The following ANKRD27 variants were observed in gnomAD, a reference collection of about 807,000 sequenced individuals.
The protein encoded by ANKRD27 is ankyrin repeat domain-containing protein 27.
A neutral mutation model predicts 129.7 loss-of-function variants in ANKRD27; 112 were observed. That is an observed-to-expected ratio of 0.86 (90% CI 0.74 to 1.01). ANKRD27 has a LOEUF of 1.01. Ranked by LOEUF, ANKRD27 falls within the 50% of genes least tolerant of loss-of-function variation. The probability of loss-of-function intolerance (pLI) is 0.00; values close to 1 mark genes in which losing one functional copy is unlikely to be tolerated. For missense variants in ANKRD27, 1,258 were observed against 1,300.5 expected, an observed-to-expected ratio of 0.97 and a Z score of 0.50; for synonymous variants, 516 against 511.2, an observed-to-expected ratio of 1.01 and a Z score of -0.13.
intron 5 of ANKRD27, 122 bp downstream of exon 5, chr19:32,644,203 T>C: frequency 8.4e-7 from 1 of 1,192,042 alleles, no homozygotes; most frequent in Non-Finnish European, 1.2e-6. Flanking sequence ...GAGAGAAACA[T>C]TTTTAAAAGA....
At chr19:32,615,530 G>T (rs960003624) in intron 22 of ANKRD27, 128 bp downstream of exon 22, 1 of 1,482,908 alleles carries the variant, frequency 6.7e-7, no homozygotes, top group Non-Finnish European at 9.3e-7. Context: ...GCTGCAGTGG[G>T]TCATGACTGT....
At chr19:32,669,731 C>T (rs1967829856) in intron 1 of ANKRD27, among the ~76,000 whole-genome samples, 1 of 152,096 alleles carries the variant, frequency 6.6e-6, no homozygotes, top group Non-Finnish European at 1.5e-5. Context: ...GGCGTGGTGG[C>T]TCACACCTAT....
chr19:32,639,464 T>G lies in ANKRD27; in HGVS notation c.1008A>C (p.Lys336Asn), dbSNP rs374933382. 25 of 1,613,356 alleles carry G rather than the reference T, an allele frequency of 1.5e-5. No homozygotes were observed. In the African/African-American group the frequency reaches 3.3e-4, roughly 22 times the overall value. ...TTGCCAAGCTGCTAAACCTGAAGTT[T>G]TTGATGTAACTCAAATTTGCCATCC... ...PNWMANLSYI[K>N]NFRFSSLAKD... Residue 336 changes from lysine (K) to asparagine (N), a missense_variant, in exon 12 of 29, where the codon AAA becomes AAC. Transcript: ENST00000306065.
chr19:32,615,999 G>C (rs1746666690), intron 21 of ANKRD27, among the ~76,000 whole-genome samples: 1 of 152,074 alleles, frequency 6.6e-6, no homozygotes, highest in Admixed American at 6.6e-5. Flanking sequence ...CATAAAAAAG[G>C]ACAGGAAGAT....
At chr19:32,657,224 G>A (rs938056254) in intron 2 of ANKRD27, among the ~76,000 whole-genome samples, 1 of 152,096 alleles carries the variant, frequency 6.6e-6, no homozygotes. Flanking sequence ...AGCACGCTGG[G>A]GGGCCGAGGC....
intron 25 of ANKRD27, among the ~76,000 whole-genome samples, chr19:32,602,371 C>T (rs1308630442): frequency 1.3e-5 from 2 of 151,962 alleles, no homozygotes; most frequent in African/African-American, 2.4e-5. Flanking sequence ...GGGGATTCAA[C>T]CACTCCATGC....
intron 20 of ANKRD27, among the ~76,000 whole-genome samples, chr19:32,618,637 T>C (rs1971959681): frequency 6.6e-6 from 1 of 152,018 alleles, no homozygotes; most frequent in African/African-American, 2.4e-5. Context: ...TCCAAGAGCA[T>C]GTCACGGCTT....
rs780979164 is a variant in ANKRD27 at position 32,643,346 on chromosome 19, C to T, written c.646G>A (p.Val216Ile). The change falls in exon 8 of 29, where the codon GTC becomes ATC. Residue 216 changes from valine to isoleucine, a missense_variant. By Grantham distance (29) the Val-to-Ile change is conservative. Coordinates refer to ENST00000306065, the MANE Select transcript of ANKRD27 (RefSeq NM_032139.3). ...ATCAGGTTGTAAATTTCATGATGGA[C>T]GTATATCTGTGGAATCAACAGACCC... ...NLMKQAVEIY[V>I]HHEIYNLIFK... The T allele has an allele frequency of 1.3e-5, 21 of 1,613,760 alleles. No homozygotes were observed. The Admixed American group carries it at 1.3e-4, about 10-fold the overall frequency.
intron 4 of ANKRD27, among the ~76,000 whole-genome samples, chr19:32,645,495 G>C (rs1400184705): frequency 3.3e-5 from 5 of 152,082 alleles, no homozygotes; most frequent in Non-Finnish European, 1.5e-5. Context: ...CTAGAGTGCA[G>C]TGGTGTGATC....
intron 1 of ANKRD27, among the ~76,000 whole-genome samples, chr19:32,665,650 G>A (rs866513163): frequency 2.6e-5 from 4 of 152,056 alleles, no homozygotes; most frequent in African/African-American, 7.2e-5. Context: ...TAGTAGAGAT[G>A]GGGTTTCGCT....
intron 22 of ANKRD27, 46 bp from the exon 23 acceptor site, chr19:32,607,878 G>C: frequency 6.4e-7 from 1 of 1,553,330 alleles, no homozygotes; most frequent in South Asian, 1.2e-5. Flanking sequence ...CAGTATTGAA[G>C]AAACTGGGCT....
chr19:32,655,449 A>T (rs879725656), intron 2 of ANKRD27: 1 of 152,366 alleles, frequency 6.6e-6, no homozygotes, highest in Non-Finnish European at 1.5e-5. Flanking sequence ...TCTGTGGGGC[A>T]ACCCTGGATG....
chr19:32,644,510 T>G, intron 4 of ANKRD27, 31 bp from the exon 5 acceptor site: 2 of 1,606,434 alleles, frequency 1.2e-6, no homozygotes, highest in Non-Finnish European at 1.7e-6. Context: ...TCAGGCCGGC[T>G]GAAGCCTCTG....
chr19:32,615,909 A>T (rs1971911267), intron 21 of ANKRD27, 129 bp from the exon 22 acceptor site: 1 of 1,312,452 alleles, frequency 7.6e-7, no homozygotes, highest in African/African-American at 1.5e-5. Flanking sequence ...ACAGCCATTT[A>T]TAACCGGCTT....
chr19:32,634,423 A>C (rs1967053151), intron 12 of ANKRD27, among the ~76,000 whole-genome samples: 2 of 152,234 alleles, frequency 1.3e-5, no homozygotes, highest in South Asian at 4.1e-4. Flanking sequence ...AGGATGATGC[A>C]TACCTGTCTC....
At chr19:32,632,380 G>GT (rs1967010645) in intron 12 of ANKRD27, among the ~76,000 whole-genome samples, 1 of 151,944 alleles carries the variant, frequency 6.6e-6, no homozygotes, top group Non-Finnish European at 1.5e-5. Flanking sequence ...GAGGTCAGGA[G>GT]TTTGAGACCA....
chr19:32,599,903 G>A (rs1210271835), intron 27 of ANKRD27, 69 bp downstream of exon 27: 2 of 1,518,358 alleles, frequency 1.3e-6, no homozygotes, highest in Non-Finnish European at 1.8e-6. Flanking sequence ...TACAATTGAA[G>A]CAGCTTACGT....
At chr19:32,663,045 G>A (rs259262) in intron 1 of ANKRD27, among the ~76,000 whole-genome samples, 74,319 of 152,028 alleles carry the variant, frequency 0.49, 21,056 homozygotes, top group Non-Finnish European at 0.65. Flanking sequence ...CTGTCTCAAA[G>A]ACAAAACAAA....
rs749061431 is a variant in ANKRD27, at chr19:32,598,131, ACTC to A, written c.*11_*13del. The A allele has an allele frequency of 2.5e-6, 4 of 1,610,612 alleles. No homozygotes were observed. The highest frequency in any genetic ancestry group is 1.1e-5 in the South Asian group (1 of 90,970). ...TTGCTTCCTAGCAGTGGGTTCAACAACTCCTCATTCCTGTTAGGACCGGGAAGC... is the reference window on the plus strand; with the variant it reads ...TTGCTTCCTAGCAGTGGGTTCAACAACTCATTCCTGTTAGGACCGGGAAGC... On this transcript the variant is annotated 3_prime_UTR_variant, in exon 29 of 29. Coordinates refer to ENST00000306065, the MANE Select transcript of ANKRD27 (RefSeq NM_032139.3).
Sources: allele counts gnomAD v4.1 joint callset (sites outside exome capture counted in the v4.1 genomes callset), GRCh38; gene constraint gnomAD v4.1.1; transcripts MANE v1.5; gene names NCBI Gene and HGNC (gene_info 2026-07-23, HGNC 2026-07-21).